The following GAN variants were observed in gnomAD, a reference collection of about 807,000 sequenced individuals.
GAN encodes gigaxonin.
Under a neutral mutation model 71.3 loss-of-function variants are expected in GAN, and 48 were observed. That is an observed-to-expected ratio of 0.67 (90% confidence interval 0.53 to 0.86). The LOEUF is 0.86. Ranked by LOEUF, GAN falls within the 40% of genes least tolerant of loss-of-function variation. The pLI is 0.00. For missense variants in GAN, 928 were observed against 770.1 expected (o/e 1.21, Z -2.43); for synonymous variants, 386 against 276.8 (o/e 1.39, Z -3.92).
At chr16:81,366,181 C>G (rs1910851447) in intron 9 of GAN, among the ~76,000 whole-genome samples, 1 of 152,192 alleles carries the variant, frequency 6.6e-6, no homozygotes, top group African/African-American at 2.4e-5. Context: ...GCCCTCCAGA[C>G]AAGTCTCTGG....
At chr16:81,366,231 C>A (rs9934014) in intron 9 of GAN, among the ~76,000 whole-genome samples, 1,610 of 152,322 alleles carry the variant, frequency 0.011, 22 homozygotes, top group African/African-American at 0.037. Flanking sequence ...AGGGCAAGGT[C>A]CACCTTCGTC....
At chr16:81,355,497 A>G (rs1293887098) in intron 3 of GAN, among the ~76,000 whole-genome samples, 2 of 152,116 alleles carry the variant, frequency 1.3e-5, no homozygotes, top group Non-Finnish European at 2.9e-5. Flanking sequence ...CCGAGTAGCT[A>G]GGACCACAGG....
At chr16:81,359,216 T>C (rs1910590159) in intron 5 of GAN, among the ~76,000 whole-genome samples, 1 of 152,072 alleles carries the variant, frequency 6.6e-6, no homozygotes, top group African/African-American at 2.4e-5. Context: ...CCAAAATATA[T>C]ACACATATTC....
At chr16:81,358,001 T>A in intron 5 of GAN, 70 bp downstream of exon 5, 1 of 1,284,766 alleles carries the variant, frequency 7.8e-7, no homozygotes. Context: ...TTTTACAGAA[T>A]GACTCAGAGC....
chr16:81,316,023 A>T (rs1242564343), intron 1 of GAN, among the ~76,000 whole-genome samples: 1 of 152,260 alleles, frequency 6.6e-6, no homozygotes, highest in Non-Finnish European at 1.5e-5. Context: ...GAGCCTTGCG[A>T]CAAAGGGCAT....
At chr16:81,329,666 A>G (rs1448790659) in intron 1 of GAN, among the ~76,000 whole-genome samples, 1 of 152,186 alleles carries the variant, frequency 6.6e-6, no homozygotes, top group Non-Finnish European at 1.5e-5. Context: ...TTTTGTTGAT[A>G]TATTTTGTTG....
Position 81,353,305 on chromosome 16 carries a change from A to AT in GAN, c.283-1100_283-1099insT, listed in dbSNP as rs1273262941. 7.2e-5 allele frequency among the ~76,000 whole-genome samples: 11 copies of AT among 151,730 alleles called. 1 individual carries two copies. The highest frequency in any genetic ancestry group is 2.2e-4 in the African/African-American group (9 of 41,256). ...AGACTCCGTCTCAAAAAAAAAAAAA[A>AT]ACGATAGTTGGAATGTAAGTTATAA... On this transcript the variant is annotated intron_variant, in intron 2 of 10. Transcript: ENST00000648994.
rs928437302 is a variant in GAN, at chr16:81,381,379, G to T, written c.*3783G>T. ...AGATGAAGACCTTTGGTTAAATGGG[G>T]GAAGAATGAGGTGGCGCTTTGACTG... On this transcript the variant is annotated 3_prime_UTR_variant, in exon 11 of 11. Transcript: ENST00000648994. 6.6e-6 allele frequency: 1 copy of T among 152,210 alleles called. No individual in the cohort carries two copies. Among genetic ancestry groups the T allele is most frequent in the Non-Finnish European group, 1.5e-5 (1 of 68,054 alleles). 9.4% of individuals were successfully genotyped at this position (152,210 alleles called of 1,614,324 possible).
chr16:81,333,109 G>GCA (rs1422988317), intron 1 of GAN, among the ~76,000 whole-genome samples: 2 of 152,016 alleles, frequency 1.3e-5, no homozygotes, highest in Non-Finnish European at 2.9e-5. Flanking sequence ...CAGGTAGGTG[G>GCA]CACGCACCTG....
rs979030652 is a variant in GAN, at chr16:81,381,742, T to C, written c.*4146T>C. On this transcript the variant is annotated 3_prime_UTR_variant, in exon 11 of 11. Transcript: ENST00000648994. The stretch of plus-strand genomic sequence containing the variant: ...ACAGAGTAGGTAGGCAATAAACATT[T>C]GACAAATAAATATAAGATTCTTGTG... 3.9e-5 allele frequency: 6 copies of C among 152,222 alleles called. No homozygotes were observed. The highest frequency in any genetic ancestry group is 8.8e-5 in the Non-Finnish European group (6 of 68,044). The allele number at this position is 152,222 out of a possible 1,614,324, so 9.4% of individuals were successfully genotyped here.
chr16:81,390,453 T>A lies in GAN; in HGVS notation c.*12857T>A, dbSNP rs925993490. The A allele has an allele frequency of 6.6e-6, 1 of 152,252 alleles. No individual in the cohort carries two copies. The highest frequency in any genetic ancestry group is 2.4e-5 in the African/African-American group (1 of 41,452). 9.4% of individuals were successfully genotyped at this position (152,252 alleles called of 1,614,324 possible). A position where few individuals can be genotyped will look rare whatever the true frequency, so the allele number is the denominator to read the frequency against. On this transcript the variant is annotated 3_prime_UTR_variant, in exon 11 of 11. Transcript: ENST00000648994. ...GCAAAAAGGATTTGTTAACCTAAAT[T>A]AAGTAGCACGCACTTTGTTTACATG...
intron 7 of GAN, 48 bp from the exon 8 acceptor site, chr16:81,364,926 C>G: frequency 3.1e-6 from 5 of 1,594,250 alleles, no homozygotes; most frequent in Non-Finnish European, 4.3e-6. Flanking sequence ...TTCACCTGAC[C>G]TGAATGAGAA....
Position 81,377,211 on chromosome 16 carries a change from G to A in GAN, c.1503-8G>A, listed in dbSNP as rs1337645668. The stretch of plus-strand genomic sequence containing the variant: ...TTCCTTAATTTTGTGCATGGGCTTT[G>A]TTTTCAGGTGGATCTATCTTAACGA... On this transcript the variant is annotated splice_region_variant and splice_polypyrimidine_tract_variant and intron_variant, in intron 9 of 10. Transcript: ENST00000648994. The A allele has an allele frequency of 6.5e-7, 1 of 1,538,394 alleles. No individual in the cohort carries two copies. Among genetic ancestry groups the A allele is most frequent in the Non-Finnish European group, 9.0e-7 (1 of 1,110,878 alleles).
intron 1 of GAN, among the ~76,000 whole-genome samples, chr16:81,336,303 A>T (rs1488117913): frequency 6.6e-6 from 1 of 152,218 alleles, no homozygotes; most frequent in Admixed American, 6.5e-5. Context: ...CTTGGATGGC[A>T]GGAACTGTGA....
intron 9 of GAN, among the ~76,000 whole-genome samples, 192 bp from the exon 10 acceptor site, chr16:81,377,027 C>G (rs889658635): frequency 2.6e-5 from 4 of 152,178 alleles, no homozygotes; most frequent in East Asian, 1.9e-4. Flanking sequence ...ATGTTTCATT[C>G]TAGCACAGAC....
intron 1 of GAN, among the ~76,000 whole-genome samples, chr16:81,345,896 A>G (rs9673795): frequency 0.81 from 122,578 of 152,190 alleles, 49,681 homozygotes; most frequent in East Asian, 0.95. Context: ...AGATCATCAG[A>G]CATTAGATTC....
chr16:81,388,079 T>G lies in GAN; in HGVS notation c.*10483T>G, dbSNP rs1458184706. On this transcript the variant is annotated 3_prime_UTR_variant, in exon 11 of 11. Transcript: ENST00000648994. ...AGGCACTTCGCAGTCGGCGCATCTT[T>G]CTCTGCCAGCTTAGGGATTGCCGTC... 1 of 152,250 alleles carries G rather than the reference T, an allele frequency of 6.6e-6. No individual in the cohort carries two copies. Among genetic ancestry groups the G allele is most frequent in the Non-Finnish European group, 1.5e-5 (1 of 68,078 alleles). The allele number at this position is 152,250 out of a possible 1,614,324, so 9.4% of individuals were successfully genotyped here.
intron 1 of GAN, among the ~76,000 whole-genome samples, chr16:81,315,534 C>G (rs1421746102): frequency 3.9e-5 from 6 of 152,154 alleles, no homozygotes; most frequent in African/African-American, 1.4e-4. Context: ...TGTCCCCGGA[C>G]CCGGGCCGCG....
chr16:81,365,312 A>G, intron 8 of GAN, 38 bp from the exon 9 acceptor site: 3 of 1,613,294 alleles, frequency 1.9e-6, no homozygotes, highest in Non-Finnish European at 2.5e-6. Context: ...CTCGCATTGT[A>G]CAGCTTGTGC....
Sources: gnomAD v4.1 joint callset for allele counts (sites outside exome capture counted in the v4.1 genomes callset) on GRCh38, gnomAD v4.1.1 for gene constraint, MANE v1.5 for transcripts, NCBI Gene and HGNC (gene_info 2026-07-23, HGNC 2026-07-21) for gene names.